The following STX1A variants were observed in gnomAD, a reference collection of about 807,000 sequenced individuals.
The protein encoded by STX1A is syntaxin-1A.
A neutral mutation model predicts 37.8 loss-of-function variants in STX1A; 4 were observed. The observed-to-expected ratio is 0.11, with a 90% CI of 0.05 to 0.24. STX1A has a LOEUF of 0.24. STX1A is among the 10% of genes least tolerant of loss of function. The pLI is 1.00. For missense variants in STX1A, 251 were observed against 399.9 expected (o/e 0.63, Z 3.18); for synonymous variants, 135 against 147.4 (o/e 0.92, Z 0.61).
chr7:73,718,620 C>T (rs1012678117), intron 1 of STX1A, among the ~76,000 whole-genome samples: 1 of 151,970 alleles, frequency 6.6e-6, no homozygotes, highest in African/African-American at 2.4e-5. Flanking sequence ...GATCCACCCC[C>T]CCTCCCCGAC....
At position 73,706,828 on chromosome 7, in the gene STX1A, A is replaced by T. The variant is rs1798891439; in HGVS notation, c.209-1604T>A. Reference sequence around the variant, plus strand: ...CTCTGGGCGCACAGACATCCGTCTCATGCTGCCATCCAACAAATCTCTCAG... The same window carrying T: ...CTCTGGGCGCACAGACATCCGTCTCTTGCTGCCATCCAACAAATCTCTCAG... On this transcript the variant is annotated intron_variant, in intron 3 of 9. Transcript: ENST00000222812. This position sits in a 1 kb window ranked among gnomAD's most constrained non-coding sequence, Gnocchi z 4.6. 6.6e-6 allele frequency among the ~76,000 whole-genome samples: 1 copy of T among 152,202 alleles called. No individual in the cohort carries two copies. The highest frequency in any genetic ancestry group is 2.4e-5 in the African/African-American group (1 of 41,446).
At chr7:73,704,526 G>A (rs1188586153) in intron 4 of STX1A, 103 bp from the exon 5 acceptor site, 2 of 1,445,870 alleles carry the variant, frequency 1.4e-6, no homozygotes, top group Admixed American at 1.9e-5. Context: ...CCTAGGGTAT[G>A]TGTGTGGCCT....
At chr7:73,708,783 C>T (rs1304968690) in intron 2 of STX1A, 95 bp from the exon 3 acceptor site, 9 of 1,365,420 alleles carry the variant, frequency 6.6e-6, no homozygotes, top group East Asian at 2.5e-5. Flanking sequence ...GGTCAGGGCT[C>T]AGGGGGAGGA....
chr7:73,703,772 C>T lies in STX1A; in HGVS notation c.523G>A (p.Ala175Thr), dbSNP rs1350740883. The change falls in exon 7 of 10, where the codon GCC becomes ACC. Residue 175 changes from alanine (A) to threonine (T), a missense_variant. Ala to Thr is a moderately conservative substitution (Grantham distance 58). Coordinates refer to ENST00000222812, the MANE Select transcript of STX1A (RefSeq NM_004603.4). ...LEDMLESGNPAIFASGIIMDS... is the reference protein window; with the variant it reads ...LEDMLESGNPTIFASGIIMDS... ...ACACTCACCCCAGAGGCAAAGATGG[C>T]GGGGTTCCCACTCTCCAGCATGTCC... The T allele has an allele frequency of 8.7e-6, 14 of 1,613,630 alleles. No individual in the cohort carries two copies. The highest frequency in any genetic ancestry group is 1.1e-5 in the Non-Finnish European group (13 of 1,179,838).
intron 4 of STX1A, chr7:73,704,767 C>A (rs1554616578): frequency 5.9e-6 from 3 of 507,942 alleles, no homozygotes; most frequent in African/African-American, 5.7e-5. Context: ...CCAGGTGGCC[C>A]CTCCTGCAGG....
chr7:73,702,668 G>A lies in STX1A; in HGVS notation c.678+177C>T, dbSNP rs1798703097. Reference sequence around the variant, plus strand: ...TGAAGCTCAAGCAGAGCCATGCAGAGGACAGGGACCTTCGGGTCGGCAGGG... The same window carrying A: ...TGAAGCTCAAGCAGAGCCATGCAGAAGACAGGGACCTTCGGGTCGGCAGGG... On this transcript the variant is annotated intron_variant, in intron 8 of 9. Coordinates refer to ENST00000222812, the MANE Select transcript of STX1A (RefSeq NM_004603.4). The surrounding 1 kb of genome is among the most constrained non-coding windows in gnomAD (Gnocchi z 4.7). 6.8e-7 allele frequency: 1 copy of A among 1,477,718 alleles called. No individual in the cohort carries two copies. Among genetic ancestry groups the A allele is most frequent in the Non-Finnish European group, 9.0e-7 (1 of 1,110,188 alleles). 91.5% of individuals were successfully genotyped at this position (1,477,718 alleles called of 1,614,324 possible).
rs875342 is a variant in STX1A, at chr7:73,712,768, G to A, written c.31-3646C>T. ...GTACCCCTGCTATAGATTTGAAGGCGGCATCCACATCCTCCCTAGATTTTT... is the reference window on the plus strand; with the variant it reads ...GTACCCCTGCTATAGATTTGAAGGCAGCATCCACATCCTCCCTAGATTTTT... On this transcript the variant is annotated intron_variant, in intron 1 of 9. Coordinates refer to ENST00000222812, the MANE Select transcript of STX1A (RefSeq NM_004603.4). Among the ~76,000 whole-genome samples, 3,936 of 152,178 alleles carry A rather than the reference G, an allele frequency of 0.026. 340 individuals carry two copies. In the East Asian group the frequency reaches 0.27, roughly 11 times the overall value.
rs1441602023 is a variant in STX1A, at chr7:73,699,905, G to C, written c.*502C>G. On this transcript the variant is annotated 3_prime_UTR_variant, in exon 10 of 10. Transcript: ENST00000222812. Reference sequence around the variant, plus strand: ...CTGAGCCTCCCTGGCAGTGATCAGCGACTGAGACTCAGAGCTGGGCTGTCC... The same window carrying C: ...CTGAGCCTCCCTGGCAGTGATCAGCCACTGAGACTCAGAGCTGGGCTGTCC... 5.8e-6 allele frequency: 1 copy of C among 171,298 alleles called. No individual in the cohort carries two copies. The highest frequency in any genetic ancestry group is 2.4e-5 in the African/African-American group (1 of 42,066). The allele number at this position is 171,298 out of a possible 1,614,324, so 10.6% of individuals were successfully genotyped here.
Position 73,719,651 on chromosome 7 carries a change from G to A in STX1A, c.-20C>T. 1.7e-6 allele frequency: 2 copies of A among 1,185,546 alleles called. No individual in the cohort carries two copies. The highest frequency in any genetic ancestry group is 2.1e-6 in the Non-Finnish European group (2 of 954,422). The allele number at this position is 1,185,546 out of a possible 1,614,324, so 73.4% of individuals were successfully genotyped here. A position where few individuals can be genotyped will look rare whatever the true frequency, so the allele number is the denominator to read the frequency against. On this transcript the variant is annotated 5_prime_UTR_variant, in exon 1 of 10. Transcript: ENST00000222812. The stretch of plus-strand genomic sequence containing the variant: ...CTTCATGCTCCCGGGAGTGGCAGCG[G>A]CGCCGGCTGCAGCCGTGTGAGCCCC...
At position 73,699,523 on chromosome 7, in the gene STX1A, A is replaced by G; in HGVS notation, c.*884T>C. The G allele has an allele frequency of 6.5e-6, 1 of 152,702 alleles. No homozygotes were observed. Among genetic ancestry groups the G allele is most frequent in the Non-Finnish European group, 1.5e-5 (1 of 68,024 alleles). 9.5% of individuals were successfully genotyped at this position (152,702 alleles called of 1,614,324 possible). On this transcript the variant is annotated 3_prime_UTR_variant, in exon 10 of 10. Transcript: ENST00000222812. ...GTAGCCCTCCCCGGCTGGCTGCCGAATACTGCATCTGGGACACGTGACACC... is the reference window on the plus strand; with the variant it reads ...GTAGCCCTCCCCGGCTGGCTGCCGAGTACTGCATCTGGGACACGTGACACC...
rs1270975140 is a variant in STX1A, at chr7:73,705,011, T to C, written c.283+139A>G. ...CGGGCCTTGCCAAGTAGCTGCTGAG[T>C]GAATGGGCACATGACGCCACCCTCA... On this transcript the variant is annotated intron_variant, in intron 4 of 9. Transcript: ENST00000222812. The surrounding 1 kb of genome is among the most constrained non-coding windows in gnomAD (Gnocchi z 5.2). 4 of 835,514 alleles carry C rather than the reference T, an allele frequency of 4.8e-6. No homozygotes were observed. The highest frequency in any genetic ancestry group is 8.0e-6 in the Non-Finnish European group (4 of 497,094). 51.8% of individuals were successfully genotyped at this position (835,514 alleles called of 1,614,324 possible). A position where few individuals can be genotyped will look rare whatever the true frequency, so the allele number is the denominator to read the frequency against.
Position 73,702,274 on chromosome 7 carries a change from G to A in STX1A, c.678+571C>T, listed in dbSNP as rs1038488973. Among the ~76,000 whole-genome samples the A allele has an allele frequency of 7.2e-5, 11 of 152,092 alleles. No homozygotes were observed. Among genetic ancestry groups the A allele is most frequent in the African/African-American group, 1.2e-4 (5 of 41,398 alleles). On this transcript the variant is annotated intron_variant, in intron 8 of 9. Transcript: ENST00000222812. This position sits in a 1 kb window ranked among gnomAD's most constrained non-coding sequence, Gnocchi z 4.7. ...AAGGCAGCCGCCCCATCGTGGTCAC[G>A]GTGTTACTCTGTGTAACTTTGGAAC...
At chr7:73,703,396 A>AC (rs782346888) in intron 7 of STX1A, 8 of 580,556 alleles carry the variant, frequency 1.4e-5, no homozygotes, top group Non-Finnish European at 2.6e-5. Flanking sequence ...CCTGCCTCGA[A>AC]CACCTGTGTG....
At position 73,705,618 on chromosome 7, in the gene STX1A, GTT is replaced by G. The variant is rs1798841512; in HGVS notation, c.209-396_209-395del. 4.0e-6 allele frequency: 1 copy of G among 248,760 alleles called. No individual in the cohort carries two copies. The highest frequency in any genetic ancestry group is 8.0e-6 in the Non-Finnish European group (1 of 125,236). 15.4% of individuals were successfully genotyped at this position (248,760 alleles called of 1,614,324 possible). A position where few individuals can be genotyped will look rare whatever the true frequency, so the allele number is the denominator to read the frequency against. ...GGGGGGCGGTGTGGGCTCACCTGGT[GTT>G]ACCTGGTGGCTCAGGAGGGTACGCA... On this transcript the variant is annotated intron_variant, in intron 3 of 9. Transcript: ENST00000222812. This position sits in a 1 kb window ranked among gnomAD's most constrained non-coding sequence, Gnocchi z 5.2.
At chr7:73,703,287 G>GC (rs1798733834) in intron 7 of STX1A, 1 of 549,366 alleles carries the variant, frequency 1.8e-6, no homozygotes, top group Non-Finnish European at 3.3e-6. Flanking sequence ...GAAGTTGACT[G>GC]CCCCGTGGAC....
chr7:73,708,735 G>A (rs1240165001), intron 2 of STX1A, 47 bp from the exon 3 acceptor site: 1 of 1,579,972 alleles, frequency 6.3e-7, no homozygotes, highest in South Asian at 1.1e-5. Context: ...CAGGGGAGAA[G>A]CCTTCTGGGG....
In STX1A at chr7:73,717,562, C is replaced by T. The variant is rs1011223033; in HGVS notation, c.30+2040G>A. On this transcript the variant is annotated intron_variant, in intron 1 of 9. Coordinates refer to ENST00000222812, the MANE Select transcript of STX1A (RefSeq NM_004603.4). The surrounding 1 kb of genome is among the most constrained non-coding windows in gnomAD (Gnocchi z 4.1). ...GTGGCCCCACCAAGACTGACTGTCT[C>T]ACCCCACCCCGGGTGGGCTCCTGCC... Among the ~76,000 whole-genome samples the T allele has an allele frequency of 9.2e-5, 14 of 152,278 alleles. No individual in the cohort carries two copies. Among genetic ancestry groups the T allele is most frequent in the African/African-American group, 2.9e-4 (12 of 41,552 alleles).
intron 1 of STX1A, among the ~76,000 whole-genome samples, chr7:73,715,395 C>T (rs147850646): frequency 1.4e-3 from 214 of 151,918 alleles, no homozygotes; most frequent in African/African-American, 4.8e-3. Context: ...GCACTCCAGC[C>T]TGGAGACAGT....
At chr7:73,711,159 A>T (rs1799087613) in intron 1 of STX1A, among the ~76,000 whole-genome samples, 1 of 150,138 alleles carries the variant, frequency 6.7e-6, no homozygotes. Context: ...CACCACACCC[A>T]GCTACTTTTT....
Sources: gnomAD v4.1 joint callset for allele counts (sites outside exome capture counted in the v4.1 genomes callset) on GRCh38, gnomAD v4.1.1 for gene constraint, Gnocchi (gnomAD v3.1) non-coding constraint, MANE v1.5 for transcripts, NCBI Gene and HGNC (gene_info 2026-07-23, HGNC 2026-07-21) for gene names.